The following NCAPG variants were observed in gnomAD, a reference collection of about 807,000 sequenced individuals.
NCAPG encodes the protein condensin complex subunit 3.
In NCAPG, 69 loss-of-function variants were observed where a neutral mutation model predicts 113.1. That is an observed-to-expected ratio of 0.61 (90% CI 0.50 to 0.75). NCAPG has a LOEUF of 0.75. Ranked by LOEUF, NCAPG falls within the 30% of genes least tolerant of loss-of-function variation. The pLI, the probability that NCAPG is intolerant of heterozygous loss-of-function variation, is 0.00. For synonymous variants in NCAPG, 370 were observed against 415.8 expected, an observed-to-expected ratio of 0.89 and a Z score of 1.34; for missense variants, 1,058 against 1,177.0, an observed-to-expected ratio of 0.90 and a Z score of 1.48.
At position 17,825,235 on chromosome 4, in the gene NCAPG, C is replaced by T. The variant is rs547427415; in HGVS notation, c.1474-147C>T. On this transcript the variant is annotated intron_variant, in intron 10 of 20. Transcript: ENST00000251496. Reference sequence around the variant, plus strand: ...ATGTCAGTCTCAGAGATATGCAGATCTCTGTGTCAGGAAAACTACAAGTTT... The same window carrying T: ...ATGTCAGTCTCAGAGATATGCAGATTTCTGTGTCAGGAAAACTACAAGTTT... 12 of 802,076 alleles carry T rather than the reference C, an allele frequency of 1.5e-5. No individual in the cohort carries two copies. The Admixed American group carries it at 3.3e-4, about 22-fold the overall frequency. 49.7% of individuals were successfully genotyped at this position (802,076 alleles called of 1,614,324 possible). A position where few individuals can be genotyped will look rare whatever the true frequency, so the allele number is the denominator to read the frequency against.
chr4:17,826,666 G>A (rs1348459275), intron 11 of NCAPG, among the ~76,000 whole-genome samples: 4 of 152,130 alleles, frequency 2.6e-5, no homozygotes. Context: ...GTGTCTATTT[G>A]TCCTGTTCGA....
chr4:17,840,838 ATTC>A, intron 19 of NCAPG, 145 bp downstream of exon 19: 1 of 439,504 alleles, frequency 2.3e-6, no homozygotes, highest in Admixed American at 4.5e-5. Context: ...TTTCTTTTTA[ATTC>A]TTTCTGTGGA....
intron 19 of NCAPG, 48 bp downstream of exon 19, chr4:17,840,741 C>T: frequency 1.6e-6 from 2 of 1,224,162 alleles, no homozygotes; most frequent in Non-Finnish European, 2.2e-6. Flanking sequence ...TAAATTTTAT[C>T]TTCCAATGAA....
chr4:17,842,356 G>A lies in NCAPG; in HGVS notation c.2901G>A (p.Gln967=). 6.2e-7 allele frequency: 1 copy of A among 1,612,210 alleles called. No homozygotes were observed. The highest frequency in any genetic ancestry group is 8.5e-7 in the Non-Finnish European group (1 of 1,178,552). The change falls in exon 20 of 21, where the codon CAG becomes CAA. Residue 967 remains glutamine (Q), a synonymous_variant. Coordinates refer to ENST00000251496, the MANE Select transcript of NCAPG (RefSeq NM_022346.5). The part of the protein sequence containing the change: ...TVSARTNRRC[Q]TAEADSESDH... The stretch of plus-strand genomic sequence containing the variant: ...CAGCTAGGACGAACAGGAGGTGTCA[G>A]ACTGCTGAAGCCGACTCTGAAAGGT...
intron 13 of NCAPG, among the ~76,000 whole-genome samples, chr4:17,833,736 C>T (rs991118430): frequency 1.3e-5 from 2 of 151,442 alleles, no homozygotes; most frequent in Admixed American, 6.6e-5. Context: ...TGCTGTGTTT[C>T]GTGATTTACG....
rs149722136 is a variant in NCAPG at position 17,828,178 on chromosome 4, A to G, written c.1654-100A>G. 2.6e-3 allele frequency: 1,758 copies of G among 668,474 alleles called. 4 individuals are homozygous for G. Among genetic ancestry groups the G allele is most frequent in the Non-Finnish European group, 3.8e-3 (1,495 of 390,748 alleles). The allele number at this position is 668,474 out of a possible 1,614,324, so 41.4% of individuals were successfully genotyped here. A position where few individuals can be genotyped will look rare whatever the true frequency, so the allele number is the denominator to read the frequency against. ...CTGTAAGATCACCTACAGAGTCTAT[A>G]TAGAGTGACAGTATGCCCTACACAA... On this transcript the variant is annotated intron_variant, in intron 11 of 20. Transcript: ENST00000251496.
At chr4:17,827,730 T>A (rs1262789337) in intron 11 of NCAPG, among the ~76,000 whole-genome samples, 1 of 151,352 alleles carries the variant, frequency 6.6e-6, no homozygotes, top group Non-Finnish European at 1.5e-5. Context: ...ATAGCTGGGC[T>A]AGCTCATAGA....
At chr4:17,843,279 G>A (rs747665895) in intron 20 of NCAPG, 23 bp from the exon 21 acceptor site, 38 of 1,595,402 alleles carry the variant, frequency 2.4e-5, no homozygotes, top group African/African-American at 6.8e-5. Context: ...ATCTAAATTC[G>A]TGTATTTTCA....
chr4:17,842,440 GA>G, intron 20 of NCAPG, 61 bp downstream of exon 20: 2 of 1,362,504 alleles, frequency 1.5e-6, no homozygotes, highest in African/African-American at 1.4e-5. Flanking sequence ...TCTACAAGTA[GA>G]AAAAAACTAA....
chr4:17,830,900 T>G (rs1721843422), intron 12 of NCAPG, 97 bp from the exon 13 acceptor site: 1 of 1,282,434 alleles, frequency 7.8e-7, no homozygotes, highest in Admixed American at 2.3e-5. Flanking sequence ...TACTTACCTT[T>G]TCTTTAAAAG....
At position 17,841,519 on chromosome 4, in the gene NCAPG, G is replaced by T. The variant is rs1448864088; in HGVS notation, c.2855-791G>T. Reference sequence around the variant, plus strand: ...AAATGCATTAGTAAAAGCAGGTAAGGAGTAGAAAAAAGTGTAACATGAATG... The same window carrying T: ...AAATGCATTAGTAAAAGCAGGTAAGTAGTAGAAAAAAGTGTAACATGAATG... On this transcript the variant is annotated intron_variant, in intron 19 of 20. Coordinates refer to ENST00000251496, the MANE Select transcript of NCAPG (RefSeq NM_022346.5). The T allele has an allele frequency of 2.0e-5, 3 of 151,848 alleles. No homozygotes were observed. In the East Asian group the frequency reaches 5.8e-4, roughly 29 times the overall value. The allele number at this position is 151,848 out of a possible 1,614,324, so 9.4% of individuals were successfully genotyped here. A position where few individuals can be genotyped will look rare whatever the true frequency, so the allele number is the denominator to read the frequency against.
intron 19 of NCAPG, 85 bp downstream of exon 19, chr4:17,840,778 T>C: frequency 1.2e-6 from 1 of 844,652 alleles, no homozygotes; most frequent in Non-Finnish European, 1.7e-6. Flanking sequence ...AGTTTTCTTA[T>C]CTTTGTTTCC....
intron 16 of NCAPG, among the ~76,000 whole-genome samples, chr4:17,838,263 T>C (rs1452343730): frequency 6.6e-6 from 1 of 152,236 alleles, no homozygotes; most frequent in Non-Finnish European, 1.5e-5. Context: ...TTTAATCCTT[T>C]AATGGCATTT....
rs1240426268 is a variant in NCAPG at position 17,844,615 on chromosome 4, TG to T, written c.*1192del. ...GATGATTGTTCTTCATTCTGTTTGT[TG>T]GCTCTGTGTTCTCCTGTGCTTCAGA... On this transcript the variant is annotated 3_prime_UTR_variant, in exon 21 of 21. Coordinates refer to ENST00000251496, the MANE Select transcript of NCAPG (RefSeq NM_022346.5). The T allele has an allele frequency of 6.6e-6, 1 of 152,484 alleles. No homozygotes were observed. The highest frequency in any genetic ancestry group is 1.5e-5 in the Non-Finnish European group (1 of 67,888). 9.4% of individuals were successfully genotyped at this position (152,484 alleles called of 1,614,324 possible).
At chr4:17,831,857 T>C (rs1721881404) in intron 13 of NCAPG, among the ~76,000 whole-genome samples, 1 of 152,150 alleles carries the variant, frequency 6.6e-6, no homozygotes, top group Non-Finnish European at 1.5e-5. Context: ...TGGAAAGGAA[T>C]TCGAGGGCTT....
At chr4:17,829,626 A>G (rs1577342011) in intron 12 of NCAPG, among the ~76,000 whole-genome samples, 1 of 152,366 alleles carries the variant, frequency 6.6e-6, no homozygotes, top group Middle Eastern at 3.4e-3. Flanking sequence ...AAATCTGGTT[A>G]AAGATTGAAA....
Position 17,831,074 on chromosome 4 carries a change from G to T in NCAPG, c.1842G>T (p.Gln614His). 1 of 1,613,816 alleles carries T rather than the reference G, an allele frequency of 6.2e-7. No individual in the cohort carries two copies. Among genetic ancestry groups the T allele is most frequent in the Non-Finnish European group, 8.5e-7 (1 of 1,179,844 alleles). The change falls in exon 13 of 21, where the codon CAG (glutamine) becomes CAT (histidine). Residue 614 changes from glutamine (Q) to histidine (H), a missense_variant. Gln to His is a conservative substitution (Grantham distance 24). Transcript: ENST00000251496. Reference protein sequence around the residue: ...AVLCLGCCGLQNQDFARKHFV... With the variant: ...AVLCLGCCGLHNQDFARKHFV... Reference sequence around the variant, plus strand: ...TATGCTTGGGATGCTGTGGACTACAGAATCAGGATTTTGCAAGGAAACACT... The same window carrying T: ...TATGCTTGGGATGCTGTGGACTACATAATCAGGATTTTGCAAGGAAACACT...
intron 11 of NCAPG, 27 bp downstream of exon 11, chr4:17,825,588 T>C: frequency 6.5e-7 from 1 of 1,542,790 alleles, no homozygotes; most frequent in Non-Finnish European, 8.7e-7. Context: ...TCATACTAAA[T>C]CTCAGGTGTT....
At position 17,812,352 on chromosome 4, in the gene NCAPG, A is replaced by G. The variant is rs768426210; in HGVS notation, c.243A>G (p.Gln81=). 3.7e-6 allele frequency: 6 copies of G among 1,613,872 alleles called. No individual in the cohort carries two copies. The Admixed American group carries it at 8.3e-5, about 22-fold the overall frequency. ...FAAKFVTSFH[Q]SDMEDDEEEE... Reference sequence around the variant, plus strand: ...CAAAGTTTGTTACCTCATTTCACCAATCAGATATGGAAGATGATGAGGAAG... The same window carrying G: ...CAAAGTTTGTTACCTCATTTCACCAGTCAGATATGGAAGATGATGAGGAAG... The change falls in exon 2 of 21, where the codon CAA becomes CAG. Residue 81 remains glutamine, a synonymous_variant. Transcript: ENST00000251496.
Sources: allele counts gnomAD v4.1 joint callset (sites outside exome capture counted in the v4.1 genomes callset), GRCh38; gene constraint gnomAD v4.1.1; transcripts MANE v1.5; gene names NCBI Gene and HGNC (gene_info 2026-07-23, HGNC 2026-07-21).